IL13RA1: variants seen among roughly 807,000 people sequenced by gnomAD.
IL13RA1 encodes the protein interleukin-13 receptor subunit alpha-1.
In IL13RA1, 14 loss-of-function variants were observed where a neutral mutation model predicts 33.8. The ratio of observed to expected loss-of-function variants is 0.41; its 90% confidence interval spans 0.27 to 0.65. IL13RA1 has a LOEUF of 0.65. Ranked by LOEUF, IL13RA1 falls within the 30% of genes least tolerant of loss-of-function variation. The pLI is 0.28. For synonymous variants in IL13RA1, 116 were observed against 115.7 expected (o/e 1.00, Z -0.02); for missense variants, 313 against 327.0 (o/e 0.96, Z 0.33).
intron 10 of IL13RA1, among the ~76,000 whole-genome samples, chrX:118,781,358 T>C (rs915388964): frequency 9.0e-6 from 1 of 111,539 alleles, no homozygotes; most frequent in African/African-American, 3.3e-5. Context: ...TGTATCTTTT[T>C]TTTTTCCTTT....
At chrX:118,788,405 G>A (rs2017942739) in intron 10 of IL13RA1, among the ~76,000 whole-genome samples, 1 of 111,838 alleles carries the variant, frequency 8.9e-6, no homozygotes, top group Admixed American at 9.5e-5. Context: ...CTTCTAAATA[G>A]TTGGGAAAAA....
At chrX:118,790,191 G>C (rs1025628384) in intron 10 of IL13RA1, among the ~76,000 whole-genome samples, 2 of 111,823 alleles carry the variant, frequency 1.8e-5, no homozygotes, top group Non-Finnish European at 3.8e-5. Flanking sequence ...TCAGTTTTCT[G>C]TCCCTAAAGT....
intron 4 of IL13RA1, among the ~76,000 whole-genome samples, chrX:118,750,788 G>T (rs962916705): frequency 1.1e-4 from 12 of 110,363 alleles, no homozygotes; most frequent in Non-Finnish European, 2.3e-4. Context: ...GATATGTCCG[G>T]GGTCAAAAAG....
Position 118,766,541 on chromosome X carries a change from TA to T in IL13RA1, c.843del (p.Lys281AsnfsTer27). On this transcript the variant is annotated frameshift_variant, in exon 7 of 11. Coordinates refer to ENST00000371666, the MANE Select transcript of IL13RA1 (RefSeq NM_001560.3). LOFTEE classifies it high-confidence loss of function. Reference protein sequence around the residue: ...THNVFYVQEAKCENPEFERNV... With the variant: ...THNVFYVQEAXCENPEFERNV... The stretch of plus-strand genomic sequence containing the variant: ...TTTTTATTTTCAAGGTCCAAGAGGC[TA>T]AATGTGAGAATCCAGAATTTGAGAG... The T allele has an allele frequency of 9.6e-7, 1 of 1,042,886 alleles. No individual in the cohort carries two copies. The highest frequency in any genetic ancestry group is 1.3e-6 in the Non-Finnish European group (1 of 742,342). 85.9% of individuals were successfully genotyped at this position (1,042,886 alleles called of 1,213,427 possible).
chrX:118,798,825 G>A (rs1024911509), downstream of IL13RA1, among the ~76,000 whole-genome samples: 12 of 112,850 alleles, frequency 1.1e-4, no homozygotes, highest in African/African-American at 9.6e-5. Flanking sequence ...CGCTCTCGGC[G>A]CCTCCTCTGC....
intron 1 of IL13RA1, among the ~76,000 whole-genome samples, chrX:118,737,097 G>A (rs2017291578): frequency 8.9e-6 from 1 of 112,622 alleles, no homozygotes; most frequent in Admixed American, 9.4e-5. Context: ...ATGGCTGCCA[G>A]CCTCTTTGTC....
At chrX:118,744,095 G>A (rs1249082243) in intron 2 of IL13RA1, among the ~76,000 whole-genome samples, 2 of 110,343 alleles carry the variant, frequency 1.8e-5, no homozygotes, top group African/African-American at 6.6e-5. Flanking sequence ...GCAGTGAGCC[G>A]AGATCATGCC....
At chrX:118,728,122 C>T (rs1423683068) in intron 1 of IL13RA1, among the ~76,000 whole-genome samples, 3 of 112,638 alleles carry the variant, frequency 2.7e-5, no homozygotes, top group Non-Finnish European at 5.6e-5. Context: ...CGCCTGTGAG[C>T]CCGGGAGGAA....
intron 1 of IL13RA1, among the ~76,000 whole-genome samples, chrX:118,732,410 ATATATT>A (rs2017231702): frequency 9.1e-6 from 1 of 109,548 alleles, no homozygotes; most frequent in South Asian, 3.7e-4. Flanking sequence ...ATATATATAT[ATATATT>A]TATTATACCT....
At chrX:118,779,505 A>G (rs1426953234) in intron 10 of IL13RA1, among the ~76,000 whole-genome samples, 2 of 112,161 alleles carry the variant, frequency 1.8e-5, no homozygotes, top group Non-Finnish European at 3.8e-5. Context: ...GCATTAATAT[A>G]TACATAGAAC....
chrX:118,775,944 G>C, intron 9 of IL13RA1, among the ~76,000 whole-genome samples: 1 of 111,284 alleles, frequency 9.0e-6, no homozygotes, highest in Middle Eastern at 4.6e-3. Context: ...AGACCGAAAG[G>C]AGTGCTCATA....
intron 2 of IL13RA1, among the ~76,000 whole-genome samples, chrX:118,742,915 G>C (rs1472750590): frequency 9.0e-6 from 1 of 111,002 alleles, no homozygotes; most frequent in Non-Finnish European, 1.9e-5. Flanking sequence ...CACTTTTATG[G>C]GTCAAAATGG....
intron 1 of IL13RA1, among the ~76,000 whole-genome samples, chrX:118,740,265 C>T (rs1049964376): frequency 4.5e-5 from 5 of 112,013 alleles, no homozygotes; most frequent in African/African-American, 1.6e-4. Context: ...TCTGAAGAGT[C>T]TGTATGGAGT....
chrX:118,727,810 G>GC, intron 1 of IL13RA1, 84 bp downstream of exon 1: 1 of 407,368 alleles, frequency 2.5e-6, no homozygotes, highest in Non-Finnish European at 3.5e-6. Flanking sequence ...GGAGGTCAAC[G>GC]CCGGGCGGAG....
chrX:118,760,629 A>G (rs1173344212), intron 5 of IL13RA1, among the ~76,000 whole-genome samples: 2 of 112,560 alleles, frequency 1.8e-5, no homozygotes, highest in Non-Finnish European at 3.7e-5. Flanking sequence ...AGTTTTAAAT[A>G]AACTTCTTCT....
chrX:118,783,293 A>G (rs778020931), intron 10 of IL13RA1, among the ~76,000 whole-genome samples: 3 of 111,851 alleles, frequency 2.7e-5, no homozygotes, highest in South Asian at 3.7e-4. Context: ...GATGTTTTTC[A>G]TCTTTGGCCA....
At position 118,779,384 on chromosome X, in the gene IL13RA1, AT is replaced by A. The variant is rs1373520431; in HGVS notation, c.1191+2874del. ...AACAATTGAGAATTAGTTTAAAAAA[AT>A]ATGTTAGGTTTTCAAAGCATTTAAT... On this transcript the variant is annotated intron_variant, in intron 10 of 10. Coordinates refer to ENST00000371666, the MANE Select transcript of IL13RA1 (RefSeq NM_001560.3). Among the ~76,000 whole-genome samples the A allele has an allele frequency of 2.7e-5, 3 of 112,289 alleles. 1 individual carries two copies. Among genetic ancestry groups the A allele is most frequent in the South Asian group, 7.3e-4 (2 of 2,739 alleles).
intron 9 of IL13RA1, among the ~76,000 whole-genome samples, chrX:118,774,240 C>G (rs1265270314): frequency 1.9e-5 from 2 of 105,532 alleles, no homozygotes; most frequent in Non-Finnish European, 3.9e-5. Flanking sequence ...GCCTCCACCT[C>G]CTGGGTTCAA....
chrX:118,729,221 A>G (rs2017189037), intron 1 of IL13RA1, among the ~76,000 whole-genome samples: 1 of 111,513 alleles, frequency 9.0e-6, no homozygotes, highest in Middle Eastern at 4.6e-3. Context: ...CCTCCCTCCT[A>G]CAGACTCACT....
Sources: allele counts gnomAD v4.1 joint callset (sites outside exome capture counted in the v4.1 genomes callset), GRCh38; gene constraint gnomAD v4.1.1; transcripts MANE v1.5; gene names NCBI Gene and HGNC (gene_info 2026-07-23, HGNC 2026-07-21).